NFIC: variants seen among roughly 807,000 people sequenced by gnomAD.
The protein encoded by NFIC is nuclear factor 1 C-type.
NFIC carries 12 observed loss-of-function variants against 54.4 expected under a neutral mutation model. The ratio of observed to expected loss-of-function variants is 0.22; its 90% confidence interval spans 0.14 to 0.36. The LOEUF (loss-of-function observed/expected upper bound fraction) is 0.36. NFIC is among the 10% of genes least tolerant of loss of function. The pLI is 1.00. For missense variants in NFIC, 575 were observed against 718.2 expected, an observed-to-expected ratio of 0.80 and a Z score of 2.28; for synonymous variants, 322 against 319.2, an observed-to-expected ratio of 1.01 and a Z score of -0.09.
chr19:3,404,683 C>T (rs1047276025), intron 2 of NFIC, among the ~76,000 whole-genome samples: 1 of 152,146 alleles, frequency 6.6e-6, no homozygotes, highest in African/African-American at 2.4e-5. Flanking sequence ...CCGCCAAGGC[C>T]GGAGAAACAT....
chr19:3,368,474 A>G (rs903376938), intron 1 of NFIC, among the ~76,000 whole-genome samples: 1 of 152,212 alleles, frequency 6.6e-6, no homozygotes, highest in South Asian at 2.1e-4. Flanking sequence ...CGGAGAGGCT[A>G]AAAACTAAAA....
At chr19:3,425,060 G>A (rs2082006390) in intron 2 of NFIC, 46 bp from the exon 3 acceptor site, 1 of 1,601,894 alleles carries the variant, frequency 6.2e-7, no homozygotes, top group Non-Finnish European at 8.5e-7. Flanking sequence ...TGCTCCTGGG[G>A]TGGGGTCTCT....
At position 3,380,226 on chromosome 19, in the gene NFIC, A is replaced by G. The variant is rs183683124; in HGVS notation, c.31-1486A>G. On this transcript the variant is annotated intron_variant, in intron 1 of 10. Transcript: ENST00000443272. ...TCACTGTGTTAGCCAGGATGGTCTC[A>G]ATCTCCTGACCTCGTGATCTGCCCG... 4.5e-3 allele frequency among the ~76,000 whole-genome samples: 654 copies of G among 146,678 alleles called. 1 individual carries two copies. Among genetic ancestry groups the G allele is most frequent in the South Asian group, 0.01 (47 of 4,630 alleles).
In NFIC at chr19:3,394,770, G is replaced by A. The variant is rs530229796; in HGVS notation, c.562+12527G>A. On this transcript the variant is annotated intron_variant, in intron 2 of 10. Transcript: ENST00000443272. ...GAGCTCCACCTCCCGTCAGATCAGC[G>A]GGCGGCTCTGGGTGCCCCTACGAGC... is the stretch of plus-strand genomic sequence containing the variant. Among the ~76,000 whole-genome samples the A allele has an allele frequency of 2.2e-3, 339 of 152,040 alleles. 2 individuals carry two copies. The highest frequency in any genetic ancestry group is 3.6e-3 in the Non-Finnish European group (247 of 67,994).
At chr19:3,449,202 CG>C (rs1366315713) in intron 7 of NFIC, 63 bp downstream of exon 7, 1 of 1,559,784 alleles carries the variant, frequency 6.4e-7, no homozygotes. Flanking sequence ...CTCTCACAGC[CG>C]GGGAAGTCCC....
chr19:3,422,734 G>C (rs931149163), intron 2 of NFIC, among the ~76,000 whole-genome samples: 2 of 151,564 alleles, frequency 1.3e-5, no homozygotes, highest in African/African-American at 4.8e-5. Context: ...AAAGGAAAGT[G>C]ACCTTCTCAG....
At chr19:3,393,541 G>A (rs2081408968) in intron 2 of NFIC, among the ~76,000 whole-genome samples, 3 of 151,900 alleles carry the variant, frequency 2.0e-5, no homozygotes, top group East Asian at 1.9e-4. Flanking sequence ...TTGGCTGGGC[G>A]TGGTGGCTCA....
intron 9 of NFIC, among the ~76,000 whole-genome samples, 199 bp from the exon 10 acceptor site, chr19:3,456,351 C>T (rs1251983530): frequency 6.6e-6 from 1 of 152,206 alleles, no homozygotes; most frequent in Non-Finnish European, 1.5e-5. Flanking sequence ...AGTCAGGATC[C>T]CCGCCTCCCA....
In NFIC at chr19:3,462,957, CAGA is replaced by C. The variant is rs926546201; in HGVS notation, c.*205_*207del. The C allele has an allele frequency of 6.8e-4, 975 of 1,423,926 alleles. 1 individual carries two copies. The highest frequency in any genetic ancestry group is 1.6e-3 in the South Asian group (99 of 63,156). 88.2% of individuals were successfully genotyped at this position (1,423,926 alleles called of 1,614,324 possible). A position where few individuals can be genotyped will look rare whatever the true frequency, so the allele number is the denominator to read the frequency against. The stretch of plus-strand genomic sequence containing the variant: ...TCAGGAGGAAAAGAAAAAACAAAGG[CAGA>C]AGAAGAAGAAGAAGAAATAAAAACC... On this transcript the variant is annotated 3_prime_UTR_variant, in exon 11 of 11. Coordinates refer to ENST00000443272, the MANE Select transcript of NFIC (RefSeq NM_001245002.2).
intron 1 of NFIC, among the ~76,000 whole-genome samples, chr19:3,360,794 C>T (rs1239052987): frequency 6.6e-6 from 1 of 152,196 alleles, no homozygotes; most frequent in African/African-American, 2.4e-5. Flanking sequence ...CGCGGAGCCG[C>T]GTGTCCCTGG....
At chr19:3,448,993 C>T in intron 6 of NFIC, 21 bp from the exon 7 acceptor site, 2 of 1,607,248 alleles carry the variant, frequency 1.2e-6, no homozygotes, top group East Asian at 2.2e-5. Flanking sequence ...CTGTGACTCT[C>T]TCGTCCCATC....
Position 3,436,320 on chromosome 19 carries a change from T to A in NFIC, c.958+1113T>A, listed in dbSNP as rs551545813. Among the ~76,000 whole-genome samples, 62 of 124,368 alleles carry A rather than the reference T, an allele frequency of 5.0e-4. No homozygotes were observed. In the South Asian group the frequency reaches 7.1e-3, roughly 14 times the overall value. 81.6% of individuals were successfully genotyped at this position (124,368 alleles called of 152,430 possible). A position where few individuals can be genotyped will look rare whatever the true frequency, so the allele number is the denominator to read the frequency against. ...GCCATGCGCCGTTAATTTTTTTTTT[T>A]TTTTTTTTTTTTTTTTTGGTAGAGA... On this transcript the variant is annotated intron_variant, in intron 6 of 10. Transcript: ENST00000443272.
intron 1 of NFIC, among the ~76,000 whole-genome samples, chr19:3,371,109 T>C (rs2081000573): frequency 6.6e-6 from 1 of 152,160 alleles, no homozygotes; most frequent in Non-Finnish European, 1.5e-5. Flanking sequence ...AAACCCAATA[T>C]AGTACCTGGT....
At chr19:3,439,978 G>A (rs895490975) in intron 6 of NFIC, among the ~76,000 whole-genome samples, 3 of 152,052 alleles carry the variant, frequency 2.0e-5, no homozygotes, top group African/African-American at 4.8e-5. Context: ...GTGAGCCACC[G>A]CGCCCGGCCA....
At position 3,428,651 on chromosome 19, in the gene NFIC, C is replaced by T. The variant is rs558123201; in HGVS notation, c.634+3474C>T. Among the ~76,000 whole-genome samples, 99 of 152,218 alleles carry T rather than the reference C, an allele frequency of 6.5e-4. 1 individual carries two copies. The South Asian group carries it at 0.019, about 30-fold the overall frequency. Reference sequence around the variant, plus strand: ...TCCGCGGCCTCCTGTGATCCCCAGACGCCTCTCTCCAAGCCAGATGTTGGA... The same window carrying T: ...TCCGCGGCCTCCTGTGATCCCCAGATGCCTCTCTCCAAGCCAGATGTTGGA... On this transcript the variant is annotated intron_variant, in intron 3 of 10. Coordinates refer to ENST00000443272, the MANE Select transcript of NFIC (RefSeq NM_001245002.2).
Position 3,375,069 on chromosome 19 carries a change from C to T in NFIC, c.31-6643C>T, listed in dbSNP as rs766978683. ...GGAGGAGGAAGGGAACTCAGATCTA[C>T]GAGGGGCCAGATGAGAAAAGGAATT... On this transcript the variant is annotated intron_variant, in intron 1 of 10. Transcript: ENST00000443272. This position sits in a 1 kb window ranked among gnomAD's most constrained non-coding sequence, Gnocchi z 4.6. 5.6e-5 allele frequency among the ~76,000 whole-genome samples: 8 copies of T among 142,304 alleles called. No homozygotes were observed. Among genetic ancestry groups the T allele is most frequent in the Non-Finnish European group, 1.0e-4 (7 of 66,976 alleles). The allele number at this position is 142,304 out of a possible 152,430, so 93.4% of individuals were successfully genotyped here. A position where few individuals can be genotyped will look rare whatever the true frequency, so the allele number is the denominator to read the frequency against.
chr19:3,451,713 G>T (rs991072943), intron 7 of NFIC, among the ~76,000 whole-genome samples: 1 of 151,890 alleles, frequency 6.6e-6, no homozygotes, highest in Non-Finnish European at 1.5e-5. Context: ...AGACTGTGGG[G>T]CCAGATGGGC....
chr19:3,379,984 C>T (rs917985950), intron 1 of NFIC, among the ~76,000 whole-genome samples: 3 of 148,458 alleles, frequency 2.0e-5, no homozygotes, highest in African/African-American at 5.0e-5. Context: ...GCTTGGCCGC[C>T]GACCCTAGTT....
At chr19:3,406,963 C>T (rs1336703897) in intron 2 of NFIC, among the ~76,000 whole-genome samples, 1 of 144,632 alleles carries the variant, frequency 6.9e-6, no homozygotes, top group African/African-American at 2.6e-5. Flanking sequence ...GTGGAACAGC[C>T]AGGAGGCCTG....
Sources: gnomAD v4.1 joint callset for allele counts (sites outside exome capture counted in the v4.1 genomes callset) on GRCh38, gnomAD v4.1.1 for gene constraint, Gnocchi (gnomAD v3.1) non-coding constraint, MANE v1.5 for transcripts, NCBI Gene and HGNC (gene_info 2026-07-23, HGNC 2026-07-21) for gene names.